Variants in N4BP2 observed in about 807,000 individuals in gnomAD.
N4BP2 encodes the protein NEDD4 binding protein 2, also known as NEDD4-binding protein 2.
In N4BP2, 91 loss-of-function variants were observed where a neutral mutation model predicts 152.8. The observed-to-expected ratio is 0.60, with a 90% CI of 0.50 to 0.71. The LOEUF is 0.71. Ranked by LOEUF, N4BP2 falls within the 30% of genes least tolerant of loss-of-function variation. The pLI is 0.00. For missense variants in N4BP2, 1,923 were observed against 2,059.1 expected (o/e 0.93, Z 1.28); for synonymous variants, 646 against 705.3 (o/e 0.92, Z 1.33).
intron 12 of N4BP2, among the ~76,000 whole-genome samples, chr4:40,128,510 T>A (rs1273102124): frequency 6.6e-6 from 1 of 151,534 alleles, no homozygotes; most frequent in Non-Finnish European, 1.5e-5. Context: ...TGTATTAATT[T>A]GAGGCAATGA....
the N4BP2 span, among the ~76,000 whole-genome samples, chr4:40,173,884 C>CT: frequency 6.6e-6 from 1 of 151,760 alleles, no homozygotes; most frequent in Non-Finnish European, 1.5e-5. Context: ...TTCTTTTTTT[C>CT]TTTTTCCTGA....
the N4BP2 span, among the ~76,000 whole-genome samples, chr4:40,175,807 G>GAAA: frequency 8.9e-3 from 572 of 63,966 alleles, 11 homozygotes; most frequent in African/African-American, 0.026. Context: ...CTCGTCTCAA[G>GAAA]AAAAAAAAAA....
Position 40,120,767 on chromosome 4 carries a change from C to T in N4BP2, c.2656C>T (p.Pro886Ser). 6.2e-7 allele frequency: 1 copy of T among 1,614,100 alleles called. No homozygotes were observed. Among genetic ancestry groups the T allele is most frequent in the Non-Finnish European group, 8.5e-7 (1 of 1,179,982 alleles). Residue 886 changes from proline (P) to serine (S), a missense_variant, in exon 9 of 18, where the codon CCT becomes TCT. By Grantham distance (74) the Pro-to-Ser change is moderately conservative. Transcript: ENST00000261435. ...CTCATTCAACATTATGGGTGACTGG[C>T]CTTCATCTGATTCTTTAGCTCAGAG... Reference protein sequence around the residue: ...KNSFNIMGDWPSSDSLAQREH... With the variant: ...KNSFNIMGDWSSSDSLAQREH...
At chr4:40,090,606 GAAA>G (rs1029654982) in intron 2 of N4BP2, among the ~76,000 whole-genome samples, 1 of 151,946 alleles carries the variant, frequency 6.6e-6, no homozygotes, top group Non-Finnish European at 1.5e-5. Flanking sequence ...TGTTGATGAG[GAAA>G]AAAATTGGTT....
At chr4:40,109,315 T>C (rs1028954882) in intron 5 of N4BP2, among the ~76,000 whole-genome samples, 1 of 152,212 alleles carries the variant, frequency 6.6e-6, no homozygotes, top group Non-Finnish European at 1.5e-5. Flanking sequence ...ACTAGCTATA[T>C]GATCTTGTGC....
At chr4:40,137,672 G>A (rs973281608) in intron 14 of N4BP2, among the ~76,000 whole-genome samples, 1 of 152,140 alleles carries the variant, frequency 6.6e-6, no homozygotes, top group African/African-American at 2.4e-5. Flanking sequence ...GGAAACAGGA[G>A]GTATGGCTTG....
Position 40,123,181 on chromosome 4 carries a change from T to C in N4BP2, c.4253T>C (p.Val1418Ala). ...VVHIDLNLAK[V>A]IHEKWKESVM... ...CATATAGATCTGAATCTGGCGAAAG[T>C]GATTCATGAGAAATGGAAAGAATCT... Residue 1418 changes from valine (V) to alanine (A), a missense_variant, in exon 10 of 18, where the codon GTG (valine) becomes GCG (alanine). Transcript: ENST00000261435. The C allele has an allele frequency of 1.2e-6, 2 of 1,612,852 alleles. No homozygotes were observed.
chr4:40,151,040 G>A (rs1044109944), intron 16 of N4BP2, among the ~76,000 whole-genome samples: 8 of 152,164 alleles, frequency 5.3e-5, no homozygotes, highest in Admixed American at 6.5e-5. Context: ...TTTCTAAGGC[G>A]TTAAACAGCA....
At chr4:40,129,637 T>C (rs28631830) in intron 12 of N4BP2, among the ~76,000 whole-genome samples, 2,481 of 151,976 alleles carry the variant, frequency 0.016, 69 homozygotes, top group African/African-American at 0.057. Context: ...TTTTTTTCTT[T>C]CTTTTTTTTC....
At chr4:40,084,577 A>G (rs1227783609) in intron 2 of N4BP2, among the ~76,000 whole-genome samples, 1 of 150,770 alleles carries the variant, frequency 6.6e-6, no homozygotes, top group East Asian at 1.9e-4. Context: ...CTGGGATTAC[A>G]GGCATGCACC....
chr4:40,120,322 T>G lies in N4BP2; in HGVS notation c.2211T>G (p.Cys737Trp), dbSNP rs918031744. 2 of 1,612,808 alleles carry G rather than the reference T, an allele frequency of 1.2e-6. No individual in the cohort carries two copies. Among genetic ancestry groups the G allele is most frequent in the Non-Finnish European group, 1.7e-6 (2 of 1,179,646 alleles). Reference sequence around the variant, plus strand: ...GTAGTGAAAATAATCAAGAAGACTGTGATCTTGCAAATAGTGGACCACTTC... The same window carrying G: ...GTAGTGAAAATAATCAAGAAGACTGGGATCTTGCAAATAGTGGACCACTTC... Reference protein sequence around the residue: ...TCCSENNQEDCDLANSGPLQN... With the variant: ...TCCSENNQEDWDLANSGPLQN... Residue 737 changes from cysteine (C) to tryptophan (W), a missense_variant, in exon 9 of 18, where the codon TGT becomes TGG. Physicochemically the swap from Cys to Trp is radical, Grantham distance 215. Coordinates refer to ENST00000261435, the MANE Select transcript of N4BP2 (RefSeq NM_018177.6).
Position 40,076,758 on chromosome 4 carries a change from G to A in N4BP2, c.-115+3207G>A, listed in dbSNP as rs373789805. Among the ~76,000 whole-genome samples, 52 of 152,286 alleles carry A rather than the reference G, an allele frequency of 3.4e-4. No individual in the cohort carries two copies. The East Asian group carries it at 7.7e-3, about 23-fold the overall frequency. ...CCGCCTTGGGCTCCCAAAGTGCTGG[G>A]ATTACAGGTGTGAGCCACCACACCC... On this transcript the variant is annotated intron_variant, in intron 2 of 17. Transcript: ENST00000261435.
intron 1 of N4BP2, among the ~76,000 whole-genome samples, chr4:40,072,535 C>T (rs62302102): frequency 2.0e-5 from 3 of 151,792 alleles, no homozygotes; most frequent in East Asian, 1.9e-4. Flanking sequence ...TGAGCCACCG[C>T]GCTCGGCCCA....
At chr4:40,147,684 A>AC (rs1319608822) in intron 16 of N4BP2, among the ~76,000 whole-genome samples, 6 of 133,036 alleles carry the variant, frequency 4.5e-5, no homozygotes, top group Admixed American at 1.5e-4. Flanking sequence ...GTGGGGGCTG[A>AC]CCCCCCACCT....
At chr4:40,094,156 A>C (rs1000203254) in intron 2 of N4BP2, among the ~76,000 whole-genome samples, 2 of 152,190 alleles carry the variant, frequency 1.3e-5, no homozygotes, top group African/African-American at 4.8e-5. Flanking sequence ...ATTGCTTGGA[A>C]ATTTTTATGT....
At chr4:40,064,210 T>C (rs1326601203) in intron 1 of N4BP2, among the ~76,000 whole-genome samples, 1 of 152,162 alleles carries the variant, frequency 6.6e-6, no homozygotes, top group Non-Finnish European at 1.5e-5. Context: ...GGTACGAAAA[T>C]GGTAAGTCCA....
chr4:40,067,206 G>A (rs576162863), intron 1 of N4BP2, among the ~76,000 whole-genome samples: 1 of 151,842 alleles, frequency 6.6e-6, no homozygotes, highest in South Asian at 2.1e-4. Context: ...CCACAGGTGT[G>A]CACCACCACA....
intron 1 of N4BP2, among the ~76,000 whole-genome samples, chr4:40,070,253 A>T (rs1324036460): frequency 3.9e-5 from 6 of 152,184 alleles, no homozygotes; most frequent in Non-Finnish European, 7.3e-5. Flanking sequence ...TAAGTATCAT[A>T]TGATTGTATT....
At chr4:40,063,632 A>G (rs1733821213) in intron 1 of N4BP2, among the ~76,000 whole-genome samples, 1 of 152,068 alleles carries the variant, frequency 6.6e-6, no homozygotes, top group Non-Finnish European at 1.5e-5. Context: ...TTTATTTTTA[A>G]TTAAATTAAT....
Sources: gnomAD v4.1 joint callset for allele counts (sites outside exome capture counted in the v4.1 genomes callset) on GRCh38, gnomAD v4.1.1 for gene constraint, MANE v1.5 for transcripts, NCBI Gene and HGNC (gene_info 2026-07-23, HGNC 2026-07-21) for gene names.